The following CAMTA1 variants were observed in gnomAD, a reference collection of about 807,000 sequenced individuals.
CAMTA1 encodes calmodulin-binding transcription activator 1.
A neutral mutation model predicts 170.9 loss-of-function variants in CAMTA1; 27 were observed. That is an observed-to-expected ratio of 0.16 (90% CI 0.12 to 0.22). The LOEUF (loss-of-function observed/expected upper bound fraction) is 0.22, where lower values mean the gene tolerates loss of function less well. Ranked by LOEUF, CAMTA1 falls within the 10% of genes least tolerant of loss-of-function variation. CAMTA1 has a pLI of 1.00. For synonymous variants in CAMTA1, 833 were observed against 891.5 expected, an observed-to-expected ratio of 0.93 and a Z score of 1.17; for missense variants, 1,619 against 2,217.2, an observed-to-expected ratio of 0.73 and a Z score of 5.42.
intron 6 of CAMTA1, among the ~76,000 whole-genome samples, chr1:7,509,853 A>G (rs1029717809): frequency 3.3e-5 from 5 of 151,950 alleles, no homozygotes; most frequent in African/African-American, 7.3e-5. Flanking sequence ...CAGGCGAGCT[A>G]TGTGGTCCAA....
chr1:7,164,445 G>C (rs888788234), intron 4 of CAMTA1, among the ~76,000 whole-genome samples: 3 of 152,218 alleles, frequency 2.0e-5, no homozygotes, highest in Non-Finnish European at 4.4e-5. Flanking sequence ...TGGGCAGGTG[G>C]CTGGATGCCA....
At chr1:7,600,379 A>G (rs1010210750) in intron 6 of CAMTA1, among the ~76,000 whole-genome samples, 4 of 152,200 alleles carry the variant, frequency 2.6e-5, no homozygotes, top group Admixed American at 2.0e-4. Flanking sequence ...GAGGTTCATC[A>G]GGGACATTGG....
intron 6 of CAMTA1, among the ~76,000 whole-genome samples, chr1:7,559,304 G>A (rs2094925435): frequency 6.6e-6 from 1 of 152,116 alleles, no homozygotes; most frequent in Non-Finnish European, 1.5e-5. Flanking sequence ...CGGCCCTCCT[G>A]CACCCAGCTC....
chr1:7,669,786 C>T (rs902161259), intron 9 of CAMTA1, among the ~76,000 whole-genome samples: 2 of 152,174 alleles, frequency 1.3e-5, no homozygotes, highest in Non-Finnish European at 2.9e-5. Flanking sequence ...GAGGCCGGCA[C>T]CCCTACCTTC....
intron 6 of CAMTA1, among the ~76,000 whole-genome samples, chr1:7,491,790 G>A (rs973351047): frequency 6.6e-6 from 1 of 152,260 alleles, no homozygotes; most frequent in Middle Eastern, 3.4e-3. Context: ...ATTTCCTGTC[G>A]CGAAGCCAGC....
intron 3 of CAMTA1, among the ~76,000 whole-genome samples, chr1:6,860,975 T>C (rs1664460864): frequency 1.3e-5 from 2 of 151,342 alleles, no homozygotes; most frequent in Non-Finnish European, 3.0e-5. Context: ...TTTTTTTTTT[T>C]TTTTTTTGGG....
intron 3 of CAMTA1, among the ~76,000 whole-genome samples, chr1:7,004,057 G>C (rs1037371343): frequency 6.6e-6 from 1 of 152,154 alleles, no homozygotes; most frequent in Non-Finnish European, 1.5e-5. Flanking sequence ...GATTTCCCCA[G>C]CTTTCCTTGA....
At chr1:6,842,783 G>T (rs930830665) in intron 3 of CAMTA1, among the ~76,000 whole-genome samples, 2 of 152,078 alleles carry the variant, frequency 1.3e-5, no homozygotes, top group Non-Finnish European at 2.9e-5. Context: ...AATTAGCTGG[G>T]CATGGTGGTG....
intron 6 of CAMTA1, among the ~76,000 whole-genome samples, chr1:7,567,515 G>A (rs76549642): frequency 0.021 from 3,209 of 152,346 alleles, 115 homozygotes; most frequent in African/African-American, 0.072. Flanking sequence ...GACAGGGAAA[G>A]CAGTGGATGG....
chr1:7,716,872 AGT>A lies in CAMTA1; in HGVS notation c.2915-15573_2915-15572del, dbSNP rs570184751. 5.9e-5 allele frequency among the ~76,000 whole-genome samples: 9 copies of A among 152,194 alleles called. 1 individual carries two copies. The highest frequency in any genetic ancestry group is 1.3e-4 in the Non-Finnish European group (9 of 68,042). On this transcript the variant is annotated intron_variant, in intron 11 of 22. Coordinates refer to ENST00000303635, the MANE Select transcript of CAMTA1 (RefSeq NM_015215.4). ...ATAACCAGGATACGGTAGCACCCTG[AGT>A]GTCCATCTGTGGATGAATGTGTAAG...
chr1:6,974,048 G>A (rs930562847), intron 3 of CAMTA1, among the ~76,000 whole-genome samples: 4 of 152,180 alleles, frequency 2.6e-5, no homozygotes, highest in African/African-American at 9.7e-5. Flanking sequence ...TTAACGTTTG[G>A]CCCAGAATGG....
intron 1 of CAMTA1, among the ~76,000 whole-genome samples, chr1:6,805,691 A>C (rs942775019): frequency 9.2e-5 from 14 of 152,278 alleles, no homozygotes; most frequent in Middle Eastern, 3.4e-3. Context: ...TTTTTAATAG[A>C]AACGGAGTCT....
chr1:7,407,814 C>T (rs2090408511), intron 5 of CAMTA1, among the ~76,000 whole-genome samples: 1 of 152,012 alleles, frequency 6.6e-6, no homozygotes, highest in Non-Finnish European at 1.5e-5. Flanking sequence ...CCAAGGCCAT[C>T]GCAGGGCATT....
At chr1:7,564,302 C>T (rs1261441199) in intron 6 of CAMTA1, among the ~76,000 whole-genome samples, 1 of 152,244 alleles carries the variant, frequency 6.6e-6, no homozygotes, top group Non-Finnish European at 1.5e-5. Flanking sequence ...CTCTAATCTT[C>T]CCCTTCCCGG....
In CAMTA1 at chr1:7,026,724, A is replaced by G. The variant is rs539058402; in HGVS notation, c.235-64580A>G. Among the ~76,000 whole-genome samples, 3 of 142,012 alleles carry G rather than the reference A, an allele frequency of 2.1e-5. No homozygotes were observed. The East Asian group carries it at 6.4e-4, about 30-fold the overall frequency. The allele number at this position is 142,012 out of a possible 152,430, so 93.2% of individuals were successfully genotyped here. A position where few individuals can be genotyped will look rare whatever the true frequency, so the allele number is the denominator to read the frequency against. ...CAGCTCACTGCAACCGCCGCCTCCC[A>G]GGTTCAAGCGATTCTTGTGCCTCAG... On this transcript the variant is annotated intron_variant, in intron 3 of 22. Coordinates refer to ENST00000303635, the MANE Select transcript of CAMTA1 (RefSeq NM_015215.4).
intron 3 of CAMTA1, among the ~76,000 whole-genome samples, chr1:6,864,053 A>G (rs1445816728): frequency 2.0e-5 from 3 of 152,180 alleles, no homozygotes; most frequent in Non-Finnish European, 4.4e-5. Flanking sequence ...CACAGCGGCA[A>G]AGTACCATTC....
chr1:7,472,001 C>G (rs894950298), intron 6 of CAMTA1, among the ~76,000 whole-genome samples: 3 of 152,226 alleles, frequency 2.0e-5, no homozygotes, highest in Non-Finnish European at 2.9e-5. Context: ...TCCTTTGTGC[C>G]CTTGTCCTCT....
rs139341379 is a variant in CAMTA1 at position 6,905,911 on chromosome 1, C to T, written c.234+80701C>T. 4.5e-3 allele frequency among the ~76,000 whole-genome samples: 684 copies of T among 152,286 alleles called. 8 individuals carry two copies. Among genetic ancestry groups the T allele is most frequent in the African/African-American group, 0.016 (667 of 41,568 alleles). On this transcript the variant is annotated intron_variant, in intron 3 of 22. Coordinates refer to ENST00000303635, the MANE Select transcript of CAMTA1 (RefSeq NM_015215.4). ...TATGGGAAGTGCTGCTTCATCCTCCCTGGAGTGGCTCCTGCTGCTGGTTCT... is the reference window on the plus strand; with the variant it reads ...TATGGGAAGTGCTGCTTCATCCTCCTTGGAGTGGCTCCTGCTGCTGGTTCT...
At chr1:6,931,390 G>A (rs115180053) in intron 3 of CAMTA1, among the ~76,000 whole-genome samples, 1,559 of 152,266 alleles carry the variant, frequency 0.01, 18 homozygotes, top group Non-Finnish European at 0.015. Flanking sequence ...CCATCCTGGC[G>A]TGTGTCTCTA....
Sources: allele counts gnomAD v4.1 joint callset (sites outside exome capture counted in the v4.1 genomes callset), GRCh38; gene constraint gnomAD v4.1.1; transcripts MANE v1.5; gene names NCBI Gene and HGNC (gene_info 2026-07-23, HGNC 2026-07-21).